The following LARS1 variants were observed in gnomAD, a reference collection of about 807,000 sequenced individuals.
The protein encoded by LARS1 is leucyl-tRNA synthetase 1.
LARS1 carries 100 observed loss-of-function variants against 162.8 expected under a neutral mutation model. The ratio of observed to expected loss-of-function variants is 0.61; its 90% CI spans 0.52 to 0.73. LARS1 has a LOEUF of 0.73. Ranked by LOEUF, LARS1 falls within the 30% of genes least tolerant of loss-of-function variation. The probability of loss-of-function intolerance (pLI) is 0.00; values close to 1 mark genes in which losing one functional copy is unlikely to be tolerated. For missense variants in LARS1, 1,258 were observed against 1,408.9 expected (o/e 0.89, Z 1.71); for synonymous variants, 457 against 462.8 (o/e 0.99, Z 0.16).
At chr5:146,178,912 T>C (rs185672227) in intron 1 of LARS1, among the ~76,000 whole-genome samples, 10 of 151,916 alleles carry the variant, frequency 6.6e-5, no homozygotes, top group African/African-American at 1.9e-4. Context: ...CTAGGCAACA[T>C]AGAAAGACCT....
chr5:146,126,971 C>T (rs1375862438), intron 27 of LARS1, among the ~76,000 whole-genome samples: 3 of 152,034 alleles, frequency 2.0e-5, no homozygotes, highest in Non-Finnish European at 4.4e-5. Flanking sequence ...GAATCCCTAG[C>T]TACTGACCTG....
At chr5:146,142,160 C>CA (rs1419470835) in intron 20 of LARS1, among the ~76,000 whole-genome samples, 3 of 151,104 alleles carry the variant, frequency 2.0e-5, no homozygotes, top group Non-Finnish European at 4.4e-5. Context: ...ACCTCTGTCT[C>CA]AAAAAAAATA....
intron 6 of LARS1, among the ~76,000 whole-genome samples, chr5:146,163,949 G>C (rs1753892062): frequency 6.6e-6 from 1 of 152,074 alleles, no homozygotes; most frequent in African/African-American, 2.4e-5. Context: ...AGAGAAAGAG[G>C]GAAACAAGCC....
At position 146,175,401 on chromosome 5, in the gene LARS1, G is replaced by C. The variant is rs147670443; in HGVS notation, c.125+2146C>G. On this transcript the variant is annotated intron_variant, in intron 2 of 31. Transcript: ENST00000394434. ...AAAAACAAAAATTAAAACTTAGCCA[G>C]GCGTGGTGGCATGCACCTGTAATCC... Among the ~76,000 whole-genome samples, 1,063 of 151,938 alleles carry C rather than the reference G, an allele frequency of 7.0e-3. 8 individuals are homozygous for C. The highest frequency in any genetic ancestry group is 0.037 in the Middle Eastern group (11 of 294).
intron 31 of LARS1, among the ~76,000 whole-genome samples, chr5:146,119,410 T>C (rs1377816265): frequency 6.6e-6 from 1 of 152,228 alleles, no homozygotes. Context: ...TTTTAATTCA[T>C]GTTACTACCC....
intron 26 of LARS1, 86 bp from the exon 27 acceptor site, chr5:146,128,868 C>T (rs546939853): frequency 1.1e-5 from 15 of 1,400,192 alleles, no homozygotes; most frequent in South Asian, 2.5e-5. Context: ...TACACCACCA[C>T]GGTCTTCACC....
chr5:146,120,921 G>T (rs1049077259), intron 30 of LARS1, among the ~76,000 whole-genome samples: 1 of 152,174 alleles, frequency 6.6e-6, no homozygotes, highest in African/African-American at 2.4e-5. Flanking sequence ...CACACAGCTA[G>T]TAAGTGGCAA....
chr5:146,146,380 T>G (rs1581044419), intron 15 of LARS1, among the ~76,000 whole-genome samples: 2 of 135,026 alleles, frequency 1.5e-5, no homozygotes, highest in South Asian at 4.8e-4. Flanking sequence ...GAGAGAGAGA[T>G]AAGGTGAGAC....
At chr5:146,152,120 C>T (rs1052072025) in intron 13 of LARS1, 118 bp from the exon 14 acceptor site, 44 of 1,037,402 alleles carry the variant, frequency 4.2e-5, no homozygotes, top group Non-Finnish European at 5.4e-5. Context: ...TATGTCATTA[C>T]GACACTGCCA....
At chr5:146,116,471 T>C (rs1188863607) in intron 31 of LARS1, among the ~76,000 whole-genome samples, 13 of 152,222 alleles carry the variant, frequency 8.5e-5, no homozygotes, top group Admixed American at 1.3e-4. Flanking sequence ...GGCTTCTAAG[T>C]GACAAAACAT....
intron 4 of LARS1, among the ~76,000 whole-genome samples, chr5:146,168,629 G>A (rs1227270543): frequency 6.6e-6 from 1 of 151,988 alleles, no homozygotes; most frequent in Non-Finnish European, 1.5e-5. Context: ...AGGGTGCAGT[G>A]AGCCGAGATC....
At chr5:146,178,617 A>G (rs1443272548) in intron 1 of LARS1, among the ~76,000 whole-genome samples, 2 of 139,350 alleles carry the variant, frequency 1.4e-5, no homozygotes, top group Non-Finnish European at 3.3e-5. Flanking sequence ...TCCATCCCCC[A>G]CCAAAAAAAA....
intron 19 of LARS1, 132 bp downstream of exon 19, chr5:146,143,280 C>T: frequency 8.3e-7 from 1 of 1,201,752 alleles, no homozygotes; most frequent in Non-Finnish European, 1.2e-6. Context: ...TTTCCCAGTT[C>T]AATAGTAAAA....
In LARS1 at chr5:146,149,626, T is replaced by G. The variant is rs1210895861; in HGVS notation, c.1499A>C (p.Asp500Ala). The change falls in exon 15 of 32, where the codon GAC becomes GCC. Residue 500 changes from aspartate (D) to alanine (A), a missense_variant. By Grantham distance (126) the Asp-to-Ala change is moderately radical. Coordinates refer to ENST00000394434, the MANE Select transcript of LARS1 (RefSeq NM_020117.11). Reference protein sequence around the residue: ...VKKTIQKKMIDAGDALIYMEP... With the variant: ...VKKTIQKKMIAAGDALIYMEP... ...AGAGCATAGCCTATCACATACAGCG[T>G]CAATCATCTTTTTCTGAATAGTCTT... 4 of 1,609,288 alleles carry G rather than the reference T, an allele frequency of 2.5e-6. No individual in the cohort carries two copies. In the Admixed American group the frequency reaches 6.7e-5, roughly 27 times the overall value.
In LARS1 at chr5:146,177,538, A is replaced by G. The variant is rs746471067; in HGVS notation, c.125+9T>C. 9.4e-6 allele frequency: 11 copies of G among 1,169,708 alleles called. No individual in the cohort carries two copies. The Admixed American group carries it at 2.0e-4, about 21-fold the overall frequency. 72.5% of individuals were successfully genotyped at this position (1,169,708 alleles called of 1,614,324 possible). On this transcript the variant is annotated intron_variant, in intron 2 of 31. Transcript: ENST00000394434. ...TACAATGTGCAGAACTTCACAAACT[A>G]TTACTCACCTGGTCTGTTTCTCTAA...
chr5:146,132,821 AGAAAAGAAAAAG>A, intron 23 of LARS1, 65 bp downstream of exon 23: 2 of 1,098,872 alleles, frequency 1.8e-6, no homozygotes, highest in East Asian at 2.5e-5. Context: ...AAAAAAGAAA[AGAAAAGAAAAAG>A]AAAACAAAAA....
chr5:146,147,402 T>TA (rs773922188), intron 15 of LARS1, among the ~76,000 whole-genome samples: 7,958 of 139,458 alleles, frequency 0.057, 219 homozygotes, highest in Non-Finnish European at 0.063. Flanking sequence ...CCTGTCTCTT[T>TA]AAAAAAAAAA....
intron 19 of LARS1, 25 bp from the exon 20 acceptor site, chr5:146,143,109 T>TA (rs1752861187): frequency 1.8e-6 from 2 of 1,124,610 alleles, no homozygotes; most frequent in Non-Finnish European, 2.5e-6. Context: ...AAACAAACTA[T>TA]TTTATATATA....
At chr5:146,143,653 AG>A (rs1752886936) in intron 18 of LARS1, 103 bp from the exon 19 acceptor site, 1 of 1,042,032 alleles carries the variant, frequency 9.6e-7, no homozygotes, top group Non-Finnish European at 1.4e-6. Context: ...CTACTTATTT[AG>A]GAAGCTCTTA....
Sources: allele counts gnomAD v4.1 joint callset (sites outside exome capture counted in the v4.1 genomes callset), GRCh38; gene constraint gnomAD v4.1.1; transcripts MANE v1.5; gene names NCBI Gene and HGNC (gene_info 2026-07-23, HGNC 2026-07-21).